RABGAP1: variants seen among roughly 807,000 people sequenced by gnomAD.
The protein encoded by RABGAP1 is RAB GTPase activating protein 1.
In RABGAP1, 23 loss-of-function variants were observed where a neutral mutation model predicts 137.6. That is an observed-to-expected ratio of 0.17 (90% CI 0.12 to 0.24). The LOEUF (loss-of-function observed/expected upper bound fraction) is 0.24. RABGAP1 is among the 10% of genes least tolerant of loss of function. RABGAP1 has a pLI of 1.00. For synonymous variants in RABGAP1, 451 were observed against 450.7 expected (o/e 1.00, Z -0.01); for missense variants, 906 against 1,275.8 (o/e 0.71, Z 4.42).
intron 2 of RABGAP1, among the ~76,000 whole-genome samples, chr9:122,967,293 T>G (rs562466485): frequency 6.6e-6 from 1 of 152,096 alleles, no homozygotes; most frequent in Admixed American, 6.5e-5. Context: ...CAGAAAGAAG[T>G]GGAAATAAAT....
At chr9:123,076,173 G>A (rs1277202753) in intron 17 of RABGAP1, 72 bp from the exon 18 acceptor site, 1 of 1,423,654 alleles carries the variant, frequency 7.0e-7, no homozygotes, top group Non-Finnish European at 9.7e-7. Flanking sequence ...AAAAATGTGG[G>A]GTATAAGGAC....
intron 2 of RABGAP1, among the ~76,000 whole-genome samples, chr9:122,961,987 A>G (rs1405795957): frequency 6.6e-6 from 1 of 152,204 alleles, no homozygotes; most frequent in Non-Finnish European, 1.5e-5. Flanking sequence ...GTAAATGTAC[A>G]TTGGTTCTTC....
intron 2 of RABGAP1, among the ~76,000 whole-genome samples, chr9:122,978,589 C>T (rs1588204148): frequency 6.6e-6 from 1 of 152,102 alleles, no homozygotes; most frequent in African/African-American, 2.4e-5. Context: ...GAGCTATGAT[C>T]GTGCCACTCT....
At chr9:122,968,593 CT>C (rs1835302041) in intron 2 of RABGAP1, among the ~76,000 whole-genome samples, 1 of 151,894 alleles carries the variant, frequency 6.6e-6, no homozygotes, top group African/African-American at 2.4e-5. Flanking sequence ...TACTCTTTTA[CT>C]TTTATTTTTT....
Position 122,999,124 on chromosome 9 carries a change from T to G in RABGAP1, c.1374+358T>G, listed in dbSNP as rs150892087. 9.8e-3 allele frequency among the ~76,000 whole-genome samples: 1,489 copies of G among 152,244 alleles called. 28 individuals carry two copies. The highest frequency in any genetic ancestry group is 0.034 in the African/African-American group (1,418 of 41,554). On this transcript the variant is annotated intron_variant, in intron 10 of 25. Coordinates refer to ENST00000373647, the MANE Select transcript of RABGAP1 (RefSeq NM_012197.4). ...GATAGGATTCTGGTTGCCTTTTTTT[T>G]TCTTTCAAGATGTCCTTCCTATTCT... is the stretch of plus-strand genomic sequence containing the variant.
intron 13 of RABGAP1, among the ~76,000 whole-genome samples, chr9:123,046,142 C>G (rs537951388): frequency 2.7e-4 from 41 of 152,266 alleles, no homozygotes; most frequent in African/African-American, 7.2e-4. Context: ...TTTTGTAATA[C>G]ATTTTGCAGT....
chr9:122,990,166 C>A lies in RABGAP1; in HGVS notation c.876C>A (p.Phe292Leu). The change falls in exon 6 of 26, where the codon TTC becomes TTA. Residue 292 changes from phenylalanine to leucine, a missense_variant. By Grantham distance (22) the Phe-to-Leu change is conservative. This residue lies in a region of RABGAP1 where 331 missense variants were observed against 358.3 expected (regional missense o/e 0.92). Transcript: ENST00000373647. Reference protein sequence around the residue: ...PQTPDSDIFTFSVSLEIKEDD... With the variant: ...PQTPDSDIFTLSVSLEIKEDD... ...CTCCTGACAGTGACATCTTTACCTT[C>A]TCTGTGTCTTTAGAAATAAAAGAAG... 6.2e-7 allele frequency: 1 copy of A among 1,611,644 alleles called. No homozygotes were observed. Among genetic ancestry groups the A allele is most frequent in the East Asian group, 2.2e-5 (1 of 44,826 alleles).
At chr9:122,996,337 T>G in intron 7 of RABGAP1, 186 bp downstream of exon 7, 1 of 1,193,298 alleles carries the variant, frequency 8.4e-7, no homozygotes, top group Middle Eastern at 2.9e-4. Flanking sequence ...GCTAATACGC[T>G]CTCTTCAACT....
chr9:122,999,284 A>G (rs879688559), intron 10 of RABGAP1, among the ~76,000 whole-genome samples: 2 of 151,218 alleles, frequency 1.3e-5, no homozygotes, highest in Non-Finnish European at 2.9e-5. Context: ...CCCGGGTTCA[A>G]GTGATTTTCC....
chr9:122,998,910 C>G, intron 10 of RABGAP1, 144 bp downstream of exon 10: 3 of 491,520 alleles, frequency 6.1e-6, no homozygotes, highest in Admixed American at 3.9e-5. Flanking sequence ...TCATATTTAC[C>G]CACCTACTTG....
At chr9:123,006,473 C>T (rs2030274551) in intron 10 of RABGAP1, among the ~76,000 whole-genome samples, 1 of 152,192 alleles carries the variant, frequency 6.6e-6, no homozygotes, top group African/African-American at 2.4e-5. Context: ...AACTTTTCTA[C>T]CCAGTGATTT....
In RABGAP1 at chr9:122,977,530, AC is replaced by A. The variant is rs1157675101; in HGVS notation, c.151-6951del. Among the ~76,000 whole-genome samples the A allele has an allele frequency of 2.6e-5, 4 of 152,094 alleles. No individual in the cohort carries two copies. The East Asian group carries it at 7.7e-4, about 29-fold the overall frequency. On this transcript the variant is annotated intron_variant, in intron 2 of 25. Coordinates refer to ENST00000373647, the MANE Select transcript of RABGAP1 (RefSeq NM_012197.4). ...CAGCCTGGCCAACATGGTGAAACCC[AC>A]CCCATCTCTACCAAAAATACAAAAA...
intron 11 of RABGAP1, among the ~76,000 whole-genome samples, chr9:123,011,260 C>A (rs1166974584): frequency 2.0e-5 from 3 of 151,984 alleles, no homozygotes; most frequent in Admixed American, 1.3e-4. Flanking sequence ...GAGGAGAATT[C>A]GGTTTTCATT....
chr9:123,001,573 T>C (rs1326040330), intron 10 of RABGAP1, among the ~76,000 whole-genome samples: 3 of 152,188 alleles, frequency 2.0e-5, no homozygotes, highest in Non-Finnish European at 2.9e-5. Context: ...CCCAGCACTA[T>C]TCTCCCAGCT....
intron 13 of RABGAP1, among the ~76,000 whole-genome samples, chr9:123,030,094 G>A (rs1330701608): frequency 5.3e-5 from 8 of 152,176 alleles, no homozygotes; most frequent in South Asian, 2.1e-4. Context: ...AGAAATTGGC[G>A]TGTTTGCAGG....
Position 123,090,386 on chromosome 9 carries a change from GT to G in RABGAP1, c.2628+2del. On this transcript the variant is annotated splice_donor_variant, in intron 21 of 25. Transcript: ENST00000373647. LOFTEE classifies it high-confidence loss of function. ...TGCACTACGGAAGGACCTGGATAAC[GT>G]AAGTCCAACGGGTCTGAAGGGAAAG... The G allele has an allele frequency of 6.2e-7, 1 of 1,601,630 alleles. No homozygotes were observed. Among genetic ancestry groups the G allele is most frequent in the Non-Finnish European group, 8.5e-7 (1 of 1,170,608 alleles).
In RABGAP1 at chr9:122,957,138, T is replaced by A. The variant is rs778514376; in HGVS notation, c.79T>A (p.Leu27Met). ...VSTLNSEDFVLVSRQGDETPS... is the reference protein window; with the variant it reads ...VSTLNSEDFVMVSRQGDETPS... The stretch of plus-strand genomic sequence containing the variant: ...TACTCTTAATAGTGAAGATTTTGTC[T>A]TGGTTTCCAGGCAAGGAGATGAGAC... The change falls in exon 2 of 26, where the codon TTG (leucine) becomes ATG (methionine). Residue 27 changes from leucine (L) to methionine (M), a missense_variant. Physicochemically the swap from Leu to Met is conservative, Grantham distance 15. Around this residue, in one of 9 missense-constraint regions of RABGAP1, gnomAD observed 331 missense variants for 358.3 expected, o/e 0.92. Transcript: ENST00000373647. 1 of 1,573,016 alleles carries A rather than the reference T, an allele frequency of 6.4e-7. No homozygotes were observed. Among genetic ancestry groups the A allele is most frequent in the South Asian group, 1.2e-5 (1 of 85,282 alleles).
At chr9:122,946,459 G>A (rs756890444) in intron 1 of RABGAP1, among the ~76,000 whole-genome samples, 11 of 152,178 alleles carry the variant, frequency 7.2e-5, no homozygotes, top group African/African-American at 2.2e-4. Flanking sequence ...CTAACCCTGC[G>A]TTGCTTAAAA....
chr9:123,034,772 A>G (rs769762078), intron 13 of RABGAP1: 3 of 1,613,840 alleles, frequency 1.9e-6, no homozygotes, highest in South Asian at 1.1e-5. Flanking sequence ...TATTTTATCC[A>G]GACTATGGCA....
Sources: allele counts gnomAD v4.1 joint callset (sites outside exome capture counted in the v4.1 genomes callset), GRCh38; gene constraint gnomAD v4.1.1; regional missense constraint gnomAD v4.1.1; transcripts MANE v1.5; gene names NCBI Gene and HGNC (gene_info 2026-07-23, HGNC 2026-07-21).